Variants in MAGI2 observed in about 807,000 individuals in gnomAD.
The protein encoded by MAGI2 is membrane-associated guanylate kinase, WW and PDZ domain-containing protein 2.
In MAGI2, 35 loss-of-function variants were observed where a neutral mutation model predicts 133.3. The ratio of observed to expected loss-of-function variants is 0.26; its 90% CI spans 0.20 to 0.35. MAGI2 has a LOEUF of 0.35. Among genes scored for constraint, MAGI2 ranks in the 10% least tolerant of loss-of-function variants. The pLI, the probability that MAGI2 is intolerant of heterozygous loss-of-function variation, is 1.00. For synonymous variants in MAGI2, 729 were observed against 710.6 expected (o/e 1.03, Z -0.41); for missense variants, 1,636 against 1,863.4 (o/e 0.88, Z 2.25).
intron 9 of MAGI2, among the ~76,000 whole-genome samples, chr7:78,264,276 T>C (rs760459563): frequency 6.6e-6 from 1 of 152,122 alleles, no homozygotes; most frequent in Non-Finnish European, 1.5e-5. Flanking sequence ...TAAAGTCACA[T>C]TGATAATTAG....
intron 2 of MAGI2, among the ~76,000 whole-genome samples, chr7:78,842,404 A>G (rs1468209280): frequency 1.3e-5 from 2 of 151,984 alleles, no homozygotes; most frequent in Admixed American, 6.6e-5. Flanking sequence ...TTCAGGAAAG[A>G]GTCTCACCCT....
chr7:78,305,719 A>G (rs1306758502), intron 9 of MAGI2, among the ~76,000 whole-genome samples: 6 of 152,176 alleles, frequency 3.9e-5, no homozygotes, highest in Non-Finnish European at 7.3e-5. Flanking sequence ...TGTATACATG[A>G]AAGAGCCTGT....
intron 2 of MAGI2, among the ~76,000 whole-genome samples, chr7:78,791,422 G>A (rs746321422): frequency 3.9e-5 from 6 of 151,940 alleles, no homozygotes; most frequent in Non-Finnish European, 5.9e-5. Flanking sequence ...TTAGAATTAC[G>A]AATGAAAAGA....
intron 1 of MAGI2, among the ~76,000 whole-genome samples, chr7:79,197,037 T>C (rs916998402): frequency 6.6e-6 from 1 of 151,882 alleles, no homozygotes; most frequent in African/African-American, 2.4e-5. Context: ...TGCCTCAGTC[T>C]CCCAAAGTGC....
At chr7:78,570,005 T>C (rs1276157710) in intron 3 of MAGI2, among the ~76,000 whole-genome samples, 2 of 152,250 alleles carry the variant, frequency 1.3e-5, no homozygotes, top group Non-Finnish European at 2.9e-5. Context: ...GAGTATTCTA[T>C]TGCTTAGATA....
chr7:79,203,199 TG>T (rs1562991230), intron 1 of MAGI2, among the ~76,000 whole-genome samples: 2 of 152,060 alleles, frequency 1.3e-5, no homozygotes, highest in Non-Finnish European at 2.9e-5. Context: ...ATTTCTCCCT[TG>T]GGTTTTGGAT....
chr7:79,405,088 C>T lies in MAGI2; in HGVS notation c.301+47932G>A, dbSNP rs73706429. Among the ~76,000 whole-genome samples the T allele has an allele frequency of 3.5e-3, 540 of 152,188 alleles. 5 individuals carry two copies. The highest frequency in any genetic ancestry group is 0.013 in the African/African-American group (530 of 41,534). On this transcript the variant is annotated intron_variant, in intron 1 of 21. Transcript: ENST00000354212. ...TCATATTCCAGCATGAATCTAACTA[C>T]AAGGTGTCAGAAAATTCTAAATTTG...
intron 1 of MAGI2, among the ~76,000 whole-genome samples, chr7:79,117,672 C>T (rs910913644): frequency 1.3e-5 from 2 of 152,166 alleles, no homozygotes; most frequent in African/African-American, 4.8e-5. Flanking sequence ...TACTTTTCCT[C>T]TTATTAATTT....
intron 1 of MAGI2, among the ~76,000 whole-genome samples, chr7:79,394,967 CT>C (rs1844933218): frequency 6.6e-6 from 1 of 152,150 alleles, no homozygotes; most frequent in Admixed American, 6.5e-5. Context: ...AGATTTTGCA[CT>C]TCAATTTTCT....
At chr7:78,090,255 G>T (rs1230649960) in intron 20 of MAGI2, among the ~76,000 whole-genome samples, 1 of 152,208 alleles carries the variant, frequency 6.6e-6, no homozygotes, top group Non-Finnish European at 1.5e-5. Flanking sequence ...CTGCCTGTTA[G>T]TCTAGGTATC....
At chr7:79,046,107 G>A (rs1479487160) in intron 1 of MAGI2, among the ~76,000 whole-genome samples, 1 of 152,184 alleles carries the variant, frequency 6.6e-6, no homozygotes, top group East Asian at 1.9e-4. Flanking sequence ...CAATTTCAAA[G>A]ATAGCTTAAT....
rs571491934 is a variant in MAGI2, at chr7:79,412,295, A to T, written c.301+40725T>A. 28 of 152,248 alleles carry T rather than the reference A, an allele frequency of 1.8e-4. No individual in the cohort carries two copies. The South Asian group carries it at 5.8e-3, about 32-fold the overall frequency. The allele number at this position is 152,248 out of a possible 1,614,324, so 9.4% of individuals were successfully genotyped here. ...GTATTTCCAAGGGTCGTATGGAGCAATTTCACTGCAATGTAAATATATAAG... is the reference window on the plus strand; with the variant it reads ...GTATTTCCAAGGGTCGTATGGAGCATTTTCACTGCAATGTAAATATATAAG... On this transcript the variant is annotated intron_variant, in intron 1 of 21. Coordinates refer to ENST00000354212, the MANE Select transcript of MAGI2 (RefSeq NM_012301.4).
intron 12 of MAGI2, among the ~76,000 whole-genome samples, chr7:78,194,375 A>G (rs1474474456): frequency 6.6e-6 from 1 of 152,216 alleles, no homozygotes; most frequent in East Asian, 1.9e-4. Context: ...ACTGTGGCAG[A>G]GATGATTGGC....
At chr7:78,961,783 G>A (rs562216187) in intron 2 of MAGI2, among the ~76,000 whole-genome samples, 1 of 152,174 alleles carries the variant, frequency 6.6e-6, no homozygotes, top group Admixed American at 6.5e-5. Context: ...TAACAAAGGG[G>A]ATATATCTGA....
At chr7:78,550,136 G>C (rs1433021875) in intron 3 of MAGI2, among the ~76,000 whole-genome samples, 1 of 152,156 alleles carries the variant, frequency 6.6e-6, no homozygotes, top group Non-Finnish European at 1.5e-5. Context: ...CCTCGATCTT[G>C]GACTTTCCAG....
At chr7:79,408,553 T>G (rs571977848) in intron 1 of MAGI2, among the ~76,000 whole-genome samples, 1 of 152,138 alleles carries the variant, frequency 6.6e-6, no homozygotes, top group East Asian at 1.9e-4. Flanking sequence ...AATAAATGTC[T>G]AAATGGAAAT....
intron 10 of MAGI2, among the ~76,000 whole-genome samples, chr7:78,205,396 T>G (rs1035911649): frequency 6.6e-6 from 1 of 152,202 alleles, no homozygotes; most frequent in Non-Finnish European, 1.5e-5. Context: ...CCTCCCAAAG[T>G]GCTGGGATTA....
chr7:78,149,808 G>T (rs533903753), intron 16 of MAGI2, among the ~76,000 whole-genome samples: 1 of 152,294 alleles, frequency 6.6e-6, no homozygotes, highest in South Asian at 2.1e-4. Flanking sequence ...GAAAGCAGAT[G>T]GTTCATCAGG....
chr7:79,292,769 G>GAAAAAAA (rs1836596082), intron 1 of MAGI2, among the ~76,000 whole-genome samples: 1 of 11,272 alleles, frequency 8.9e-5, no homozygotes, highest in African/African-American at 2.2e-4. Flanking sequence ...GTCAATTTCT[G>GAAAAAAA]CAAAAAAAAA....
Sources: gnomAD v4.1 joint callset for allele counts (sites outside exome capture counted in the v4.1 genomes callset) on GRCh38, gnomAD v4.1.1 for gene constraint, MANE v1.5 for transcripts, NCBI Gene and HGNC (gene_info 2026-07-23, HGNC 2026-07-21) for gene names.